ME1: variants seen among roughly 807,000 people sequenced by gnomAD.
ME1 encodes NADP-dependent malic enzyme.
A neutral mutation model predicts 66.4 loss-of-function variants in ME1; 74 were observed. The ratio of observed to expected loss-of-function variants is 1.11; its 90% CI spans 0.92 to 1.35. ME1 has a LOEUF of 1.35. Among genes scored for constraint, ME1 ranks in the 40% most tolerant of loss-of-function variants. The pLI, the probability that ME1 is intolerant of heterozygous loss-of-function variation, is 0.00. For synonymous variants in ME1, 251 were observed against 235.6 expected, an observed-to-expected ratio of 1.07 and a Z score of -0.60; for missense variants, 750 against 694.1, an observed-to-expected ratio of 1.08 and a Z score of -0.90.
chr6:83,410,939 AC>A (rs1207965113), intron 1 of ME1, among the ~76,000 whole-genome samples: 7 of 152,224 alleles, frequency 4.6e-5, no homozygotes, highest in African/African-American at 1.7e-4. Flanking sequence ...ATGTTTAGCA[AC>A]TACAAACTCC....
At chr6:83,407,658 G>T in intron 2 of ME1, 110 bp downstream of exon 2, 1 of 1,079,150 alleles carries the variant, frequency 9.3e-7, no homozygotes, top group African/African-American at 1.6e-5. Context: ...TCTTCTCAAA[G>T]TTGGCTACCC....
At chr6:83,230,240 G>A (rs916280324) in intron 9 of ME1, among the ~76,000 whole-genome samples, 3 of 151,712 alleles carry the variant, frequency 2.0e-5, no homozygotes, top group African/African-American at 4.8e-5. Context: ...GCAGTGGCGC[G>A]ATCTCGGCTC....
chr6:83,257,734 C>T (rs1007351836), intron 6 of ME1, among the ~76,000 whole-genome samples: 19 of 152,158 alleles, frequency 1.2e-4, no homozygotes, highest in African/African-American at 4.1e-4. Context: ...AAGCAAACTT[C>T]ATCATAGCAA....
At chr6:83,237,430 G>A (rs866956440) in intron 9 of ME1, among the ~76,000 whole-genome samples, 2 of 134,264 alleles carry the variant, frequency 1.5e-5, no homozygotes, top group Non-Finnish European at 3.2e-5. Context: ...GAAAGAGAAA[G>A]GAAAGAAAGG....
chr6:83,295,200 G>A (rs993696220), intron 6 of ME1, among the ~76,000 whole-genome samples: 4 of 152,168 alleles, frequency 2.6e-5, no homozygotes, highest in Non-Finnish European at 5.9e-5. Context: ...CAAGAAGACA[G>A]CTAGAAATAA....
At chr6:83,231,294 G>T (rs1369896442) in intron 9 of ME1, among the ~76,000 whole-genome samples, 3 of 151,810 alleles carry the variant, frequency 2.0e-5, no homozygotes, top group Non-Finnish European at 2.9e-5. Context: ...CCAGAACTTA[G>T]CCAGAAGACA....
rs1255467210 is a variant in ME1 at position 83,407,921 on chromosome 6, A to C, written c.79-20T>G. The C allele has an allele frequency of 1.9e-6, 3 of 1,582,508 alleles. No individual in the cohort carries two copies. In the East Asian group the frequency reaches 6.8e-5, roughly 36 times the overall value. On this transcript the variant is annotated intron_variant, in intron 1 of 13. Transcript: ENST00000369705. Reference sequence around the variant, plus strand: ...CAAGTCCTATAGAGAAAAAACACACACACACACACAACAGTATTTGAGAGG... The same window carrying C: ...CAAGTCCTATAGAGAAAAAACACACCCACACACACAACAGTATTTGAGAGG...
chr6:83,286,334 TC>T (rs1167456125), intron 6 of ME1, among the ~76,000 whole-genome samples: 1 of 152,210 alleles, frequency 6.6e-6, no homozygotes, highest in Non-Finnish European at 1.5e-5. Flanking sequence ...TAGCTGTGAC[TC>T]GTTATTAACA....
chr6:83,229,923 A>C (rs1229895601), intron 9 of ME1, among the ~76,000 whole-genome samples: 1 of 152,154 alleles, frequency 6.6e-6, no homozygotes, highest in Non-Finnish European at 1.5e-5. Flanking sequence ...CCTGGGGTCA[A>C]GGGATCCTCC....
At chr6:83,222,832 C>G (rs191052676) in intron 12 of ME1, among the ~76,000 whole-genome samples, 11 of 152,298 alleles carry the variant, frequency 7.2e-5, no homozygotes, top group African/African-American at 2.4e-4. Context: ...AGTAAAATCT[C>G]AGATCTTTCA....
chr6:83,325,792 A>T (rs1429145307), intron 5 of ME1, among the ~76,000 whole-genome samples: 1 of 152,152 alleles, frequency 6.6e-6, no homozygotes, highest in Non-Finnish European at 1.5e-5. Flanking sequence ...CATAGGGCCC[A>T]AAGTAATTTA....
intron 9 of ME1, 49 bp downstream of exon 9, chr6:83,237,668 C>T: frequency 9.5e-7 from 1 of 1,056,986 alleles, no homozygotes; most frequent in South Asian, 1.6e-5. Flanking sequence ...GATGGCCATC[C>T]AGAATGGCAT....
chr6:83,384,354 A>T (rs1372811604), intron 3 of ME1, among the ~76,000 whole-genome samples: 1 of 151,838 alleles, frequency 6.6e-6, no homozygotes, highest in Non-Finnish European at 1.5e-5. Context: ...ACTTTTTAAT[A>T]ATAGTCATTG....
intron 3 of ME1, among the ~76,000 whole-genome samples, chr6:83,394,808 GTTTCT>G (rs1364770938): frequency 6.6e-6 from 1 of 152,020 alleles, no homozygotes; most frequent in African/African-American, 2.4e-5. Context: ...TATTTCGATT[GTTTCT>G]TCTTTCAAAA....
At chr6:83,273,060 C>T (rs1167509819) in intron 6 of ME1, among the ~76,000 whole-genome samples, 1 of 151,402 alleles carries the variant, frequency 6.6e-6, no homozygotes, top group Non-Finnish European at 1.5e-5. Flanking sequence ...ACCTGTAATC[C>T]CAGCTACTCG....
intron 2 of ME1, among the ~76,000 whole-genome samples, chr6:83,406,782 AG>A (rs1198869713): frequency 6.6e-6 from 1 of 152,138 alleles, no homozygotes; most frequent in Non-Finnish European, 1.5e-5. Context: ...AAATGGCTGA[AG>A]GCCTTAATAG....
chr6:83,367,845 T>C (rs190296831), intron 3 of ME1, among the ~76,000 whole-genome samples: 2 of 152,352 alleles, frequency 1.3e-5, no homozygotes, highest in Non-Finnish European at 2.9e-5. Flanking sequence ...ATAGCACTTT[T>C]AATTTCATTC....
chr6:83,248,960 C>T (rs1013777915), intron 7 of ME1, among the ~76,000 whole-genome samples: 1 of 152,076 alleles, frequency 6.6e-6, no homozygotes, highest in African/African-American at 2.4e-5. Flanking sequence ...TTTCTGAAAT[C>T]CTATATTTGC....
chr6:83,296,427 T>A (rs890914757), intron 6 of ME1, among the ~76,000 whole-genome samples: 7 of 152,212 alleles, frequency 4.6e-5, no homozygotes, highest in Non-Finnish European at 1.0e-4. Context: ...CACATGATTA[T>A]CTCAATAGAT....
Sources: allele counts gnomAD v4.1 joint callset (sites outside exome capture counted in the v4.1 genomes callset), GRCh38; gene constraint gnomAD v4.1.1; transcripts MANE v1.5; gene names NCBI Gene and HGNC (gene_info 2026-07-23, HGNC 2026-07-21).